The following ABCC4 variants were observed in gnomAD, a reference collection of about 807,000 sequenced individuals.
ABCC4 encodes ATP-binding cassette sub-family C member 4.
A neutral mutation model predicts 168.5 loss-of-function variants in ABCC4; 102 were observed. The ratio of observed to expected loss-of-function variants is 0.61; its 90% CI spans 0.52 to 0.71. The LOEUF (loss-of-function observed/expected upper bound fraction) is 0.71, where lower values mean the gene tolerates loss of function less well. ABCC4 is among the 30% of genes least tolerant of loss of function. ABCC4 has a pLI of 0.00. For synonymous variants in ABCC4, 617 were observed against 590.7 expected, an observed-to-expected ratio of 1.04 and a Z score of -0.65; for missense variants, 1,402 against 1,605.8, an observed-to-expected ratio of 0.87 and a Z score of 2.17.
chr13:95,292,877 C>T (rs1443434137), intron 1 of ABCC4, among the ~76,000 whole-genome samples: 1 of 152,066 alleles, frequency 6.6e-6, no homozygotes, highest in Non-Finnish European at 1.5e-5. Flanking sequence ...TCGCAGGCCA[C>T]AAAAGGGCTG....
In ABCC4 at chr13:95,208,575, T is replaced by C. The variant is rs149250587; in HGVS notation, c.786-650A>G. Among the ~76,000 whole-genome samples, 345 of 150,820 alleles carry C rather than the reference T, an allele frequency of 2.3e-3. 1 individual carries two copies. Among genetic ancestry groups the C allele is most frequent in the African/African-American group, 8.1e-3 (335 of 41,334 alleles). On this transcript the variant is annotated intron_variant, in intron 6 of 30. Transcript: ENST00000645237. ...CCTGCTTCAAGTCTAATTTATTTTA[T>C]CATCATTAATCTCTTGATCAAAAGC... is the stretch of plus-strand genomic sequence containing the variant.
intron 19 of ABCC4, among the ~76,000 whole-genome samples, chr13:95,128,154 T>C (rs2035848039): frequency 6.6e-6 from 1 of 152,160 alleles, no homozygotes; most frequent in Admixed American, 6.5e-5. Flanking sequence ...AATAACTTAA[T>C]CAGAATACAC....
chr13:95,079,947 T>C (rs967497971), intron 21 of ABCC4, among the ~76,000 whole-genome samples: 8 of 152,356 alleles, frequency 5.3e-5, no homozygotes, highest in Admixed American at 3.3e-4. Flanking sequence ...TCCAAGGCTG[T>C]GCTTTTAATC....
intron 1 of ABCC4, among the ~76,000 whole-genome samples, chr13:95,298,599 C>T (rs2041596974): frequency 6.6e-6 from 1 of 152,192 alleles, no homozygotes; most frequent in Non-Finnish European, 1.5e-5. Flanking sequence ...ATAGTTGTTA[C>T]ACATGCATCA....
rs2037271934 is a variant in ABCC4, at chr13:95,166,353, C to T, written c.1839G>A (p.Gln613=). Reference sequence around the variant, plus strand: ...TTAGGAACTCAGTGTAAGTCCCCTTCTGCACCATTTTACCCTAAAATAAAA... The same window carrying T: ...TTAGGAACTCAGTGTAAGTCCCCTTTTGCACCATTTTACCCTAAAATAAAA... ...ILILKDGKMV[Q]KGTYTEFLKS... Residue 613 remains glutamine, a synonymous_variant, in exon 15 of 31, where the codon CAG becomes CAA. Transcript: ENST00000645237. 1 of 1,612,572 alleles carries T rather than the reference C, an allele frequency of 6.2e-7. No individual in the cohort carries two copies.
intron 1 of ABCC4, among the ~76,000 whole-genome samples, chr13:95,281,495 TC>T (rs1290790617): frequency 1.3e-5 from 2 of 152,032 alleles, no homozygotes; most frequent in South Asian, 4.1e-4. Context: ...GACTTGGACC[TC>T]CCAGACTGCT....
chr13:95,186,551 G>A, intron 11 of ABCC4, 150 bp downstream of exon 11: 1 of 597,830 alleles, frequency 1.7e-6, no homozygotes, highest in Non-Finnish European at 2.8e-6. Flanking sequence ...GAGCGTGTGT[G>A]TGTTTATTTA....
chr13:95,123,425 C>T (rs558690957), intron 19 of ABCC4, among the ~76,000 whole-genome samples: 2 of 152,310 alleles, frequency 1.3e-5, no homozygotes, highest in East Asian at 1.9e-4. Flanking sequence ...CACACTAGCA[C>T]GATCTCGGCT....
intron 25 of ABCC4, 109 bp from the exon 26 acceptor site, chr13:95,062,968 T>A: frequency 8.0e-7 from 1 of 1,257,248 alleles, no homozygotes; most frequent in Non-Finnish European, 1.1e-6. Flanking sequence ...AAGGACATTC[T>A]ATATTGAGTG....
At chr13:95,242,882 A>G (rs4148452) in intron 3 of ABCC4, among the ~76,000 whole-genome samples, 81,314 of 152,040 alleles carry the variant, frequency 0.53, 22,396 homozygotes, top group African/African-American at 0.67. Context: ...GAAAAGAAAA[A>G]AAAAAATCCA....
Position 95,125,214 on chromosome 13 carries a change from T to A in ABCC4, c.2456-9213A>T, listed in dbSNP as rs1052653084. Among the ~76,000 whole-genome samples, 3 of 152,234 alleles carry A rather than the reference T, an allele frequency of 2.0e-5. No individual in the cohort carries two copies. The Middle Eastern group carries it at 0.01, about 518-fold the overall frequency. On this transcript the variant is annotated intron_variant, in intron 19 of 30. Coordinates refer to ENST00000645237, the MANE Select transcript of ABCC4 (RefSeq NM_005845.5). ...AGAAAGGTGTGCTCATGTCAACACC[T>A]CCATGACATCAAGCTACTTTACTGG...
At chr13:95,292,675 C>A (rs188070066) in intron 1 of ABCC4, among the ~76,000 whole-genome samples, 6 of 152,266 alleles carry the variant, frequency 3.9e-5, no homozygotes, top group African/African-American at 1.4e-4. Context: ...TCCCCACTGC[C>A]CAGTATCTGG....
chr13:95,051,974 T>TTCTA (rs2032860391), intron 27 of ABCC4, among the ~76,000 whole-genome samples: 1 of 151,674 alleles, frequency 6.6e-6, no homozygotes, highest in Non-Finnish European at 1.5e-5. Context: ...CAATTTTTAT[T>TTCTA]TTTATTTATT....
chr13:95,244,670 A>AAAGAAAGAAAGAAAGAAATCAATCAATC, intron 3 of ABCC4, among the ~76,000 whole-genome samples: 1 of 106,460 alleles, frequency 9.4e-6, no homozygotes, highest in East Asian at 2.5e-4. Context: ...AGAAAGAAAG[A>AAAGAAAGAAAGAAAGAAATCAATCAATC]AATCATAGCA....
At chr13:95,090,647 T>G (rs2034402438) in intron 20 of ABCC4, among the ~76,000 whole-genome samples, 1 of 152,124 alleles carries the variant, frequency 6.6e-6, no homozygotes, top group African/African-American at 2.4e-5. Flanking sequence ...GCTCAAGACC[T>G]TCCCTCTGAC....
Position 95,117,787 on chromosome 13 carries a change from A to G in ABCC4, c.2456-1786T>C, listed in dbSNP as rs187729851. On this transcript the variant is annotated intron_variant, in intron 19 of 30. Transcript: ENST00000645237. ...GAAAGCAATATTCAAATTAAAAAAA[A>G]AAAAAAGATAGGCCAGGTATGGGGC... Among the ~76,000 whole-genome samples, 478 of 152,026 alleles carry G rather than the reference A, an allele frequency of 3.1e-3. 1 individual carries two copies. Among genetic ancestry groups the G allele is most frequent in the Non-Finnish European group, 5.1e-3 (348 of 67,958 alleles).
intron 30 of ABCC4, among the ~76,000 whole-genome samples, chr13:95,033,662 CTT>C (rs56165679): frequency 1.0e-3 from 134 of 133,684 alleles, no homozygotes; most frequent in Middle Eastern, 7.8e-3. Context: ...GCAATTACAT[CTT>C]TTTTTTTTTT....
At chr13:95,225,879 A>C (rs1194626646) in intron 4 of ABCC4, among the ~76,000 whole-genome samples, 2 of 150,430 alleles carry the variant, frequency 1.3e-5, no homozygotes, top group Non-Finnish European at 3.0e-5. Context: ...TCATGCCTGT[A>C]ATCCCAACAC....
chr13:95,111,095 T>C (rs2035190558), intron 20 of ABCC4, among the ~76,000 whole-genome samples: 1 of 152,196 alleles, frequency 6.6e-6, no homozygotes, highest in African/African-American at 2.4e-5. Flanking sequence ...AAACATACTA[T>C]GTTTTGAATG....
Sources: gnomAD v4.1 joint callset for allele counts (sites outside exome capture counted in the v4.1 genomes callset) on GRCh38, gnomAD v4.1.1 for gene constraint, MANE v1.5 for transcripts, NCBI Gene and HGNC (gene_info 2026-07-23, HGNC 2026-07-21) for gene names.